The following DNAJC17 variants were observed in gnomAD, a reference collection of about 807,000 sequenced individuals.
DNAJC17 encodes the protein DnaJ heat shock protein family (Hsp40) member C17, also known as dnaJ homolog subfamily C member 17.
In DNAJC17, 35 loss-of-function variants were observed where a neutral mutation model predicts 48.1. The ratio of observed to expected loss-of-function variants is 0.73; its 90% CI spans 0.56 to 0.96. The LOEUF is 0.96. Ranked by LOEUF, DNAJC17 falls within the 50% of genes least tolerant of loss-of-function variation. DNAJC17 has a pLI of 0.00. For missense variants in DNAJC17, 355 were observed against 377.1 expected (o/e 0.94, Z 0.48); for synonymous variants, 117 against 142.7 (o/e 0.82, Z 1.28).
chr15:40,802,191 G>C (rs1428981647), intron 1 of DNAJC17, among the ~76,000 whole-genome samples: 1 of 135,166 alleles, frequency 7.4e-6, no homozygotes, highest in Non-Finnish European at 1.5e-5. Flanking sequence ...TTTTTTTCGA[G>C]ACAGATTCTA....
In DNAJC17 at chr15:40,768,045, C is replaced by G. The variant is rs1889000427; in HGVS notation, c.810G>C (p.Glu270Asp). ...SGLSKGSVLSERDYESLVMMR... is the reference protein window; with the variant it reads ...SGLSKGSVLSDRDYESLVMMR... ...TCATGACGAGGCTCTCGTAGTCCCT[C>G]TCTGACAGCACTGAGCCCTGTCGGA... is the stretch of plus-strand genomic sequence containing the variant. Residue 270 changes from glutamate to aspartate, a missense_variant, in exon 11 of 11, where the codon GAG (glutamate) becomes GAC (aspartate). Glu to Asp is a conservative substitution (Grantham distance 45). Transcript: ENST00000220496. The G allele has an allele frequency of 6.3e-7, 1 of 1,582,944 alleles. No individual in the cohort carries two copies. The highest frequency in any genetic ancestry group is 8.6e-7 in the Non-Finnish European group (1 of 1,166,966).
At chr15:40,778,401 C>T (rs1372345044) in intron 4 of DNAJC17, among the ~76,000 whole-genome samples, 2 of 152,046 alleles carry the variant, frequency 1.3e-5, no homozygotes, top group Non-Finnish European at 1.5e-5. Context: ...TACAGGCACC[C>T]GCCACCACAC....
chr15:40,775,767 A>T, intron 6 of DNAJC17, 171 bp from the exon 7 acceptor site: 1 of 682,692 alleles, frequency 1.5e-6, no homozygotes, highest in Admixed American at 2.7e-5. Context: ...CCATCCCCAG[A>T]GAAGCTGCCA....
Position 40,767,704 on chromosome 15 carries a change from G to A in DNAJC17, c.*236C>T, listed in dbSNP as rs1157472282. 1.6e-5 allele frequency: 10 copies of A among 634,494 alleles called. No homozygotes were observed. Among genetic ancestry groups the A allele is most frequent in the Non-Finnish European group, 2.3e-5 (9 of 383,208 alleles). 39.3% of individuals were successfully genotyped at this position (634,494 alleles called of 1,614,324 possible). A position where few individuals can be genotyped will look rare whatever the true frequency, so the allele number is the denominator to read the frequency against. ...GCCCAAGCCAATAAAGGGCTGTGAT[G>A]AGTGGCTGCGCCTGTGCTCTGCTTG... On this transcript the variant is annotated 3_prime_UTR_variant, in exon 11 of 11. Coordinates refer to ENST00000220496, the MANE Select transcript of DNAJC17 (RefSeq NM_018163.3).
chr15:40,779,430 C>A, intron 3 of DNAJC17, 115 bp downstream of exon 3: 1 of 1,561,366 alleles, frequency 6.4e-7, no homozygotes, highest in Non-Finnish European at 8.8e-7. Context: ...ACTGGGTCTC[C>A]TGGGCTTAGA....
chr15:40,792,634 G>A (rs1466636014), intron 1 of DNAJC17: 1 of 433,180 alleles, frequency 2.3e-6, no homozygotes, highest in Non-Finnish European at 3.1e-6. Context: ...GGGCAACATA[G>A]GGAGACCCCA....
chr15:40,805,240 G>A (rs1890172080), intron 1 of DNAJC17, among the ~76,000 whole-genome samples: 1 of 151,818 alleles, frequency 6.6e-6, no homozygotes, highest in Non-Finnish European at 1.5e-5. Flanking sequence ...GCTGGGCGTG[G>A]TGGCGGGTGC....
chr15:40,796,340 G>A (rs1036858778), intron 1 of DNAJC17, among the ~76,000 whole-genome samples: 7 of 152,150 alleles, frequency 4.6e-5, no homozygotes, highest in Admixed American at 1.3e-4. Context: ...GATCTACTTC[G>A]AAATAGCAGA....
chr15:40,806,771 C>A (rs1449877625), intron 1 of DNAJC17, among the ~76,000 whole-genome samples: 5 of 152,228 alleles, frequency 3.3e-5, no homozygotes, highest in Non-Finnish European at 7.3e-5. Context: ...GACCTCTATA[C>A]CATCTGCCTT....
chr15:40,773,775 C>A lies in DNAJC17; in HGVS notation c.744G>T (p.Glu248Asp). The A allele has an allele frequency of 6.2e-7, 1 of 1,614,044 alleles. No individual in the cohort carries two copies. The highest frequency in any genetic ancestry group is 1.1e-5 in the South Asian group (1 of 91,080). The change falls in exon 10 of 11, where the codon GAG becomes GAT. Residue 248 changes from glutamate (E) to aspartate (D), a missense_variant. This residue lies in a region of DNAJC17 where 68 missense variants were observed against 109.5 expected (regional missense o/e 0.62). Coordinates refer to ENST00000220496, the MANE Select transcript of DNAJC17 (RefSeq NM_018163.3). The part of the protein sequence containing the change: ...VDNPLKISWL[E>D]GQPQDAVGRS... ...GGCCCACGGCATCCTGGGGCTGTCC[C>A]TCCAACCAGGAAATCTTCAGAGGGT...
In DNAJC17 at chr15:40,765,839, A is replaced by G; in HGVS notation, c.*2101T>C. ...GCTTACCTTGCAGGAGGTGGGCCCCACTATGGTGGGCGATGAACAGTCGGA... is the reference window on the plus strand; with the variant it reads ...GCTTACCTTGCAGGAGGTGGGCCCCGCTATGGTGGGCGATGAACAGTCGGA... On this transcript the variant is annotated 3_prime_UTR_variant, in exon 11 of 11. Transcript: ENST00000220496. 6.4e-7 allele frequency: 1 copy of G among 1,571,576 alleles called. No individual in the cohort carries two copies. The highest frequency in any genetic ancestry group is 8.7e-7 in the Non-Finnish European group (1 of 1,151,416).
intron 1 of DNAJC17, 171 bp from the exon 2 acceptor site, chr15:40,780,168 G>T: frequency 1.4e-6 from 1 of 711,764 alleles, no homozygotes; most frequent in Non-Finnish European, 2.5e-6. Flanking sequence ...GGCCATGGAG[G>T]GAGTGAGCCA....
At chr15:40,805,393 A>C (rs1032493393) in intron 1 of DNAJC17, among the ~76,000 whole-genome samples, 1 of 126,670 alleles carries the variant, frequency 7.9e-6, no homozygotes, top group Non-Finnish European at 1.8e-5. Context: ...AAAAAAAAAA[A>C]AAAATTAGCC....
chr15:40,766,945 C>CAGACTAACA lies in DNAJC17; in HGVS notation c.*994_*995insTGTTAGTCT, dbSNP rs1396062257. ...TGGTCAGACTAACATGGTCTACCAT[C>CAGACTAACA]TGGGACGCTGGGGAACCTGATTAAC... is the stretch of plus-strand genomic sequence containing the variant. On this transcript the variant is annotated 3_prime_UTR_variant, in exon 11 of 11. Coordinates refer to ENST00000220496, the MANE Select transcript of DNAJC17 (RefSeq NM_018163.3). 1.8e-4 allele frequency: 46 copies of CAGACTAACA among 252,002 alleles called. No homozygotes were observed. The highest frequency in any genetic ancestry group is 1.0e-3 in the African/African-American group (45 of 45,066). The allele number at this position is 252,002 out of a possible 1,614,324, so 15.6% of individuals were successfully genotyped here. A position where few individuals can be genotyped will look rare whatever the true frequency, so the allele number is the denominator to read the frequency against.
rs145641293 is a variant in DNAJC17 at position 40,779,270 on chromosome 15, G to A, written c.248C>T (p.Ala83Val). ...DKVRKAKKQA[A>V]ERTQKLDEKR... ...CTCATCAAGTTTCTGGGTCCTCTCT[G>A]CTGCTTGCTTCTTGGCTTTCCTGAC... Residue 83 changes from alanine to valine, a missense_variant, in exon 4 of 11, where the codon GCA becomes GTA. By Grantham distance (64) the Ala-to-Val change is moderately conservative (BLOSUM62 0). This residue lies in a region of DNAJC17 where 199 missense variants were observed against 199.9 expected (regional missense o/e 1.00). Transcript: ENST00000220496. 1.0e-4 allele frequency: 164 copies of A among 1,613,980 alleles called. No homozygotes were observed. Among genetic ancestry groups the A allele is most frequent in the Non-Finnish European group, 1.8e-5 (21 of 1,180,038 alleles).
Position 40,804,885 on chromosome 15 carries a change from C to CTGTAAA in DNAJC17, c.78+2483_78+2484insTTTACA, listed in dbSNP as rs1195373405. On this transcript the variant is annotated intron_variant, in intron 1 of 10. Coordinates refer to ENST00000220496, the MANE Select transcript of DNAJC17 (RefSeq NM_018163.3). The stretch of plus-strand genomic sequence containing the variant: ...GGTGTGGTGGCACATGCCTGTAATC[C>CTGTAAA]CAGCTGCTCAGGAGGCTGAGGCAGG... Among the ~76,000 whole-genome samples, 3 of 152,132 alleles carry CTGTAAA rather than the reference C, an allele frequency of 2.0e-5. No individual in the cohort carries two copies. In the East Asian group the frequency reaches 5.8e-4, roughly 30 times the overall value.
chr15:40,793,083 C>A (rs371166527), intron 1 of DNAJC17, among the ~76,000 whole-genome samples: 1 of 151,908 alleles, frequency 6.6e-6, no homozygotes, highest in East Asian at 1.9e-4. Context: ...TTAGTAGAGA[C>A]GGGGTTTCAC....
At chr15:40,798,536 G>A (rs1889995887) in intron 1 of DNAJC17, among the ~76,000 whole-genome samples, 1 of 152,180 alleles carries the variant, frequency 6.6e-6, no homozygotes, top group African/African-American at 2.4e-5. Context: ...TTATCACAAT[G>A]TTGTAGGAAA....
chr15:40,774,493 C>T lies in DNAJC17; in HGVS notation c.601-57G>A, dbSNP rs568044849. On this transcript the variant is annotated intron_variant, in intron 8 of 10. Coordinates refer to ENST00000220496, the MANE Select transcript of DNAJC17 (RefSeq NM_018163.3). The stretch of plus-strand genomic sequence containing the variant: ...ACTTGGCCTTCAGGATGGCCCAGGT[C>T]ATGCCAGAGACAAGCCTGGGCTACC... The T allele has an allele frequency of 6.3e-6, 10 of 1,594,328 alleles. No homozygotes were observed. In the African/African-American group the frequency reaches 8.0e-5, roughly 13 times the overall value.
Sources: allele counts gnomAD v4.1 joint callset (sites outside exome capture counted in the v4.1 genomes callset), GRCh38; gene constraint gnomAD v4.1.1; regional missense constraint gnomAD v4.1.1; transcripts MANE v1.5; gene names NCBI Gene and HGNC (gene_info 2026-07-23, HGNC 2026-07-21).